CYS1: variants seen among roughly 807,000 people sequenced by gnomAD.
The protein encoded by CYS1 is cystin 1.
CYS1 carries 5 observed loss-of-function variants against 9.6 expected under a neutral mutation model. The ratio of observed to expected loss-of-function variants is 0.52; its 90% CI spans 0.27 to 1.10. The LOEUF is 1.10. Among genes scored for constraint, CYS1 ranks in the 50% least tolerant of loss-of-function variants. The pLI is 0.11. For missense variants in CYS1, 221 were observed against 207.9 expected (o/e 1.06, Z -0.39); for synonymous variants, 88 against 95.7 (o/e 0.92, Z 0.47).
chr2:10,061,339 C>T (rs2125287333), intron 2 of CYS1, among the ~76,000 whole-genome samples: 2 of 152,362 alleles, frequency 1.3e-5, no homozygotes, highest in East Asian at 3.9e-4. Flanking sequence ...TCCTGTTTCC[C>T]ACCATCCTCC....
intron 2 of CYS1, among the ~76,000 whole-genome samples, chr2:10,060,778 A>G (rs1271055725): frequency 1.3e-5 from 2 of 152,216 alleles, no homozygotes; most frequent in African/African-American, 2.4e-5. Context: ...TGGGCAAGGC[A>G]TGTACCAGGC....
intron 2 of CYS1, among the ~76,000 whole-genome samples, chr2:10,062,749 T>C (rs1363264509): frequency 6.6e-6 from 1 of 152,196 alleles, no homozygotes; most frequent in African/African-American, 2.4e-5. Context: ...CCTGGGGAAA[T>C]ACTGCCTTGG....
chr2:10,058,744 G>A lies in CYS1; in HGVS notation c.*109C>T. The stretch of plus-strand genomic sequence containing the variant: ...AAAGGGCAGCTTTGAATATCCGGGA[G>A]TGACTGCGTTTTGGAGGTGGTTCAG... On this transcript the variant is annotated 3_prime_UTR_variant, in exon 3 of 3. Coordinates refer to ENST00000381813, the MANE Select transcript of CYS1 (RefSeq NM_001037160.3). 2.2e-6 allele frequency: 2 copies of A among 924,228 alleles called. No homozygotes were observed. Among genetic ancestry groups the A allele is most frequent in the South Asian group, 3.4e-5 (2 of 58,776 alleles). The allele number at this position is 924,228 out of a possible 1,614,324, so 57.3% of individuals were successfully genotyped here. A position where few individuals can be genotyped will look rare whatever the true frequency, so the allele number is the denominator to read the frequency against.
chr2:10,078,180 C>T (rs1423446864), intron 1 of CYS1, among the ~76,000 whole-genome samples: 1 of 152,034 alleles, frequency 6.6e-6, no homozygotes, highest in Admixed American at 6.6e-5. Context: ...GCTGGCTGAC[C>T]TCCTCAACAA....
chr2:10,072,893 C>T (rs763043687), intron 1 of CYS1, among the ~76,000 whole-genome samples: 12 of 128,742 alleles, frequency 9.3e-5, no homozygotes, highest in South Asian at 2.8e-4. Context: ...GGCTGTGAGT[C>T]GGAGAGTGGT....
intron 1 of CYS1, among the ~76,000 whole-genome samples, chr2:10,066,348 G>A (rs986417134): frequency 6.6e-6 from 1 of 152,078 alleles, no homozygotes; most frequent in African/African-American, 2.4e-5. Context: ...AGGGCACCCC[G>A]TGTGTCACCT....
In CYS1 at chr2:10,076,934, G is replaced by A. The variant is rs941888832; in HGVS notation, c.318+2972C>T. ...AAAGATCTACTCACTTGACATTTCT[G>A]TTTGGATGTCTGACAGGCATCTCAA... On this transcript the variant is annotated intron_variant, in intron 1 of 2. Transcript: ENST00000381813. This position sits in a 1 kb window ranked among gnomAD's most constrained non-coding sequence, Gnocchi z 4.3. Among the ~76,000 whole-genome samples the A allele has an allele frequency of 6.6e-6, 1 of 152,138 alleles. No homozygotes were observed. Among genetic ancestry groups the A allele is most frequent in the African/African-American group, 2.4e-5 (1 of 41,418 alleles).
chr2:10,060,625 G>C (rs944632386), intron 2 of CYS1, among the ~76,000 whole-genome samples: 1 of 152,252 alleles, frequency 6.6e-6, no homozygotes, highest in East Asian at 1.9e-4. Flanking sequence ...GTTGACGCCT[G>C]CAGGGCTCTT....
Position 10,076,304 on chromosome 2 carries a change from A to G in CYS1, c.318+3602T>C, listed in dbSNP as rs796714281. Reference sequence around the variant, plus strand: ...TAATGCTCAAAACCTCCTCTTATCCAGCCCATTCTGGGACTAAGATTTTCT... The same window carrying G: ...TAATGCTCAAAACCTCCTCTTATCCGGCCCATTCTGGGACTAAGATTTTCT... On this transcript the variant is annotated intron_variant, in intron 1 of 2. Transcript: ENST00000381813. This position sits in a 1 kb window ranked among gnomAD's most constrained non-coding sequence, Gnocchi z 4.3. 3.9e-5 allele frequency among the ~76,000 whole-genome samples: 6 copies of G among 152,328 alleles called. No individual in the cohort carries two copies. Among genetic ancestry groups the G allele is most frequent in the African/African-American group, 1.4e-4 (6 of 41,576 alleles).
rs1449358442 is a variant in CYS1, at chr2:10,076,175, C to T, written c.318+3731G>A. ...CCTGGGCGACAGACCAAGATTCCAT[C>T]TCAAAAATAAAATAAAAATTAAAAT... On this transcript the variant is annotated intron_variant, in intron 1 of 2. Transcript: ENST00000381813. The surrounding 1 kb of genome is among the most constrained non-coding windows in gnomAD (Gnocchi z 4.3). Among the ~76,000 whole-genome samples the T allele has an allele frequency of 3.3e-5, 5 of 152,110 alleles. No homozygotes were observed. The highest frequency in any genetic ancestry group is 1.2e-4 in the African/African-American group (5 of 41,414).
In CYS1 at chr2:10,076,688, C is replaced by T. The variant is rs920638334; in HGVS notation, c.318+3218G>A. Among the ~76,000 whole-genome samples, 1 of 152,182 alleles carries T rather than the reference C, an allele frequency of 6.6e-6. No individual in the cohort carries two copies. The highest frequency in any genetic ancestry group is 2.4e-5 in the African/African-American group (1 of 41,438). On this transcript the variant is annotated intron_variant, in intron 1 of 2. Transcript: ENST00000381813. This position sits in a 1 kb window ranked among gnomAD's most constrained non-coding sequence, Gnocchi z 4.3. ...CTTTAGGATGCCTCTATCTCCTCAACCTTTGAACAGCGTGCTCAACCCCTG... is the reference window on the plus strand; with the variant it reads ...CTTTAGGATGCCTCTATCTCCTCAATCTTTGAACAGCGTGCTCAACCCCTG...
In CYS1 at chr2:10,058,833, G is replaced by A. The variant is rs934832961; in HGVS notation, c.*20C>T. 5.2e-6 allele frequency: 8 copies of A among 1,540,802 alleles called. No individual in the cohort carries two copies. The Admixed American group carries it at 1.2e-4, about 22-fold the overall frequency. On this transcript the variant is annotated 3_prime_UTR_variant, in exon 3 of 3. Transcript: ENST00000381813. ...CCAGCAGGTGCCTCCGAGGCCTGGC[G>A]GGGGTGGAGCATGCTGTCCTCAGCG...
chr2:10,065,592 A>C (rs972014643), intron 2 of CYS1, among the ~76,000 whole-genome samples: 1 of 152,262 alleles, frequency 6.6e-6, no homozygotes, highest in Admixed American at 6.5e-5. Context: ...GCCACAGCGC[A>C]CAGCATGGCA....
chr2:10,062,548 G>C (rs1324647159), intron 2 of CYS1, among the ~76,000 whole-genome samples: 1 of 152,104 alleles, frequency 6.6e-6, no homozygotes, highest in African/African-American at 2.4e-5. Flanking sequence ...ATACAGGCAC[G>C]TGCCACCACT....
Position 10,063,950 on chromosome 2 carries a change from C to T in CYS1, c.371+1954G>A, listed in dbSNP as rs1182775089. ...GTATACTGAATGAAAAGGCTGGGTG[C>T]AGTGGCTCACGCCCATAATCCCAGC... On this transcript the variant is annotated intron_variant, in intron 2 of 2. Transcript: ENST00000381813. This position sits in a 1 kb window ranked among gnomAD's most constrained non-coding sequence, Gnocchi z 4.2. Among the ~76,000 whole-genome samples the T allele has an allele frequency of 1.3e-5, 2 of 152,204 alleles. No individual in the cohort carries two copies. The highest frequency in any genetic ancestry group is 2.4e-5 in the African/African-American group (1 of 41,446).
chr2:10,063,324 C>T lies in CYS1; in HGVS notation c.371+2580G>A, dbSNP rs958641952. 2.0e-5 allele frequency among the ~76,000 whole-genome samples: 3 copies of T among 151,912 alleles called. No individual in the cohort carries two copies. The highest frequency in any genetic ancestry group is 4.4e-5 in the Non-Finnish European group (3 of 67,962). On this transcript the variant is annotated intron_variant, in intron 2 of 2. Transcript: ENST00000381813. The surrounding 1 kb of genome is among the most constrained non-coding windows in gnomAD (Gnocchi z 4.2). ...GGAGGGGCTGGGAAGTTGCACCATG[C>T]GGGAGGAGGGACACTAGTTTGACCA...
intron 2 of CYS1, among the ~76,000 whole-genome samples, chr2:10,062,691 C>T (rs768566133): frequency 3.9e-5 from 6 of 152,234 alleles, no homozygotes; most frequent in Non-Finnish European, 8.8e-5. Flanking sequence ...GTATGAGCCA[C>T]TGCGCCTGGC....
rs190373461 is a variant in CYS1, at chr2:10,069,661, C to G, written c.319-3705G>C. 3.9e-3 allele frequency among the ~76,000 whole-genome samples: 598 copies of G among 152,204 alleles called. 2 individuals are homozygous for G. The highest frequency in any genetic ancestry group is 0.011 in the African/African-American group (466 of 41,536). On this transcript the variant is annotated intron_variant, in intron 1 of 2. Coordinates refer to ENST00000381813, the MANE Select transcript of CYS1 (RefSeq NM_001037160.3). ...GGATAACAGGTGTGAGCCACTGCGC[C>G]TGGCCGAAAAAAATATTTAAAAAAA...
chr2:10,066,081 G>A lies in CYS1; in HGVS notation c.319-125C>T, dbSNP rs574635639. On this transcript the variant is annotated intron_variant, in intron 1 of 2. Coordinates refer to ENST00000381813, the MANE Select transcript of CYS1 (RefSeq NM_001037160.3). ...ACCCAGGATCCATAAGCCTCGGAGC[G>A]GAAAGGCTCTCGAGCTGTCAAGTTC... The A allele has an allele frequency of 7.0e-5, 75 of 1,078,272 alleles. 1 individual carries two copies. The highest frequency in any genetic ancestry group is 2.0e-4 in the Middle Eastern group (1 of 5,086). The allele number at this position is 1,078,272 out of a possible 1,614,324, so 66.8% of individuals were successfully genotyped here. A position where few individuals can be genotyped will look rare whatever the true frequency, so the allele number is the denominator to read the frequency against.
Sources: allele counts gnomAD v4.1 joint callset (sites outside exome capture counted in the v4.1 genomes callset), GRCh38; gene constraint gnomAD v4.1.1; non-coding constraint Gnocchi (gnomAD v3.1); transcripts MANE v1.5; gene names NCBI Gene and HGNC (gene_info 2026-07-23, HGNC 2026-07-21).